Variants in MACROD2 observed in about 807,000 individuals in gnomAD.
MACROD2 encodes ADP-ribose glycohydrolase MACROD2.
MACROD2 carries 36 observed loss-of-function variants against 70.4 expected under a neutral mutation model. The observed-to-expected ratio is 0.51, with a 90% CI of 0.39 to 0.68. The LOEUF is 0.68. Ranked by LOEUF, MACROD2 falls within the 30% of genes least tolerant of loss-of-function variation. The pLI, the probability that MACROD2 is intolerant of heterozygous loss-of-function variation, is 0.00. For missense variants in MACROD2, 496 were observed against 538.4 expected (o/e 0.92, Z 0.78); for synonymous variants, 172 against 178.8 (o/e 0.96, Z 0.30).
Position 15,978,358 on chromosome 20 carries a change from C to T in MACROD2, c.986-8369C>T, listed in dbSNP as rs530614384. Reference sequence around the variant, plus strand: ...GACTTGCTTACAGCCCTCCGGGTGGCATGGGGGAGGTCATGAGAAACGTGG... The same window carrying T: ...GACTTGCTTACAGCCCTCCGGGTGGTATGGGGGAGGTCATGAGAAACGTGG... On this transcript the variant is annotated intron_variant, in intron 13 of 17. Coordinates refer to ENST00000684519, the MANE Select transcript of MACROD2 (RefSeq NM_001351661.2). Among the ~76,000 whole-genome samples the T allele has an allele frequency of 3.3e-5, 5 of 152,254 alleles. No homozygotes were observed. The South Asian group carries it at 8.3e-4, about 25-fold the overall frequency.
chr20:14,130,193 T>TA (rs1287780968), intron 3 of MACROD2, among the ~76,000 whole-genome samples: 2 of 152,176 alleles, frequency 1.3e-5, no homozygotes, highest in Non-Finnish European at 2.9e-5. Flanking sequence ...AGAAAATTGA[T>TA]AAAAAATATG....
intron 13 of MACROD2, among the ~76,000 whole-genome samples, chr20:15,972,591 CT>C (rs906826088): frequency 2.0e-5 from 3 of 152,152 alleles, no homozygotes; most frequent in African/African-American, 7.2e-5. Context: ...GGGCAGATCA[CT>C]TGAGGTCAGG....
chr20:15,059,772 G>C (rs1015858147), intron 5 of MACROD2, among the ~76,000 whole-genome samples: 2 of 152,146 alleles, frequency 1.3e-5, no homozygotes, highest in Non-Finnish European at 2.9e-5. Flanking sequence ...AATTTTTTAA[G>C]AGAAACTTTT....
At chr20:14,921,726 ATTGT>A (rs111518886) in intron 5 of MACROD2, among the ~76,000 whole-genome samples, 23,879 of 152,114 alleles carry the variant, frequency 0.16, 2,029 homozygotes, top group Non-Finnish European at 0.19. Flanking sequence ...GTCAGGGATA[ATTGT>A]TTGGTATATT....
chr20:14,192,288 T>C (rs1181324550), intron 3 of MACROD2, among the ~76,000 whole-genome samples: 2 of 152,178 alleles, frequency 1.3e-5, no homozygotes, highest in African/African-American at 4.8e-5. Context: ...GGCTCAGTTT[T>C]ATCTGTCTTT....
intron 3 of MACROD2, among the ~76,000 whole-genome samples, chr20:14,369,524 C>T (rs2083303537): frequency 6.6e-6 from 1 of 152,058 alleles, no homozygotes; most frequent in Non-Finnish European, 1.5e-5. Flanking sequence ...TGCCTATTTT[C>T]AAGAGTTTTG....
chr20:15,121,324 C>T (rs2076028485), intron 5 of MACROD2, among the ~76,000 whole-genome samples: 1 of 151,882 alleles, frequency 6.6e-6, no homozygotes, highest in African/African-American at 2.4e-5. Context: ...CCAGCCTGGC[C>T]AACACGGTGA....
intron 2 of MACROD2, among the ~76,000 whole-genome samples, chr20:14,034,596 T>C (rs2053285416): frequency 6.6e-6 from 1 of 152,236 alleles, no homozygotes; most frequent in African/African-American, 2.4e-5. Flanking sequence ...CAACACTGGA[T>C]TATATCAACT....
At chr20:14,251,512 A>G (rs974054864) in intron 3 of MACROD2, among the ~76,000 whole-genome samples, 2 of 152,092 alleles carry the variant, frequency 1.3e-5, no homozygotes, top group Non-Finnish European at 2.9e-5. Flanking sequence ...TATATTACAG[A>G]TGGAATACAG....
intron 3 of MACROD2, among the ~76,000 whole-genome samples, chr20:14,461,079 A>G (rs994152147): frequency 2.0e-5 from 3 of 151,910 alleles, no homozygotes; most frequent in African/African-American, 7.3e-5. Flanking sequence ...TTGGTAGGCT[A>G]TTAATTACTA....
chr20:14,968,440 C>A (rs1018330295), intron 5 of MACROD2, among the ~76,000 whole-genome samples: 17 of 152,040 alleles, frequency 1.1e-4, no homozygotes, highest in Non-Finnish European at 2.1e-4. Context: ...ACTGTAAAAG[C>A]ATAAGAATAT....
At chr20:15,162,206 TTTGTA>T (rs1366218831) in intron 5 of MACROD2, among the ~76,000 whole-genome samples, 1 of 152,000 alleles carries the variant, frequency 6.6e-6, no homozygotes. Context: ...TTGTTTTTGT[TTTGTA>T]TTGTATTGTT....
At chr20:14,203,452 G>C (rs1160543510) in intron 3 of MACROD2, among the ~76,000 whole-genome samples, 1 of 151,634 alleles carries the variant, frequency 6.6e-6, no homozygotes, top group Admixed American at 6.6e-5. Context: ...ATGTTTTCTT[G>C]CTTTTTTGTG....
At chr20:15,134,819 A>G (rs1345844113) in intron 5 of MACROD2, among the ~76,000 whole-genome samples, 2 of 152,204 alleles carry the variant, frequency 1.3e-5, no homozygotes, top group African/African-American at 4.8e-5. Context: ...ATAGACCGCT[A>G]GCAAGACTAA....
intron 5 of MACROD2, among the ~76,000 whole-genome samples, chr20:15,051,094 A>G (rs1601001249): frequency 6.6e-6 from 1 of 151,196 alleles, no homozygotes; most frequent in Admixed American, 6.7e-5. Flanking sequence ...CTTTTTAAAA[A>G]CCTGCCAAGA....
rs566814313 is a variant in MACROD2, at chr20:15,371,478, T to A, written c.541-59927T>A. On this transcript the variant is annotated intron_variant, in intron 6 of 17. Transcript: ENST00000684519. ...CAAAGTTCTGCTGAAAGCAGTTTAA[T>A]AATCACTTAAACTGGTGGTGAGTAA... 1.2e-4 allele frequency among the ~76,000 whole-genome samples: 18 copies of A among 152,276 alleles called. 1 individual carries two copies. In the South Asian group the frequency reaches 3.7e-3, roughly 32 times the overall value.
chr20:14,253,203 G>C (rs2082025980), intron 3 of MACROD2, among the ~76,000 whole-genome samples: 1 of 152,046 alleles, frequency 6.6e-6, no homozygotes, highest in African/African-American at 2.4e-5. Context: ...AAGCATTTCA[G>C]AGCTTCCATT....
chr20:15,096,808 ATTTT>A (rs11479076), intron 5 of MACROD2, among the ~76,000 whole-genome samples: 2 of 93,660 alleles, frequency 2.1e-5, no homozygotes, highest in Admixed American at 1.3e-4. Flanking sequence ...CACTATGCTA[ATTTT>A]TTTTTTTTTT....
chr20:14,143,563 AAAAAAACC>A (rs2054904889), intron 3 of MACROD2, among the ~76,000 whole-genome samples: 1 of 152,114 alleles, frequency 6.6e-6, no homozygotes, highest in Non-Finnish European at 1.5e-5. Context: ...TTGGAGGAAA[AAAAAAACC>A]TGTGCAAGAA....
Sources: gnomAD v4.1 joint callset for allele counts (sites outside exome capture counted in the v4.1 genomes callset) on GRCh38, gnomAD v4.1.1 for gene constraint, MANE v1.5 for transcripts, NCBI Gene and HGNC (gene_info 2026-07-23, HGNC 2026-07-21) for gene names.